Variants in ACOX1 observed in about 807,000 individuals in gnomAD.
ACOX1 encodes the protein peroxisomal acyl-coenzyme A oxidase 1.
ACOX1 carries 41 observed loss-of-function variants against 75.5 expected under a neutral mutation model. The observed-to-expected ratio is 0.54, with a 90% CI of 0.42 to 0.70. The LOEUF is 0.70. ACOX1 is among the 30% of genes least tolerant of loss of function. The pLI is 0.00. For synonymous variants in ACOX1, 303 were observed against 298.8 expected, an observed-to-expected ratio of 1.01 and a Z score of -0.15; for missense variants, 630 against 837.5, an observed-to-expected ratio of 0.75 and a Z score of 3.06.
chr17:75,944,895 A>G lies in ACOX1; in HGVS notation c.*1853T>C, dbSNP rs373499939. The G allele has an allele frequency of 1.7e-4, 26 of 152,228 alleles. No homozygotes were observed. Among genetic ancestry groups the G allele is most frequent in the East Asian group, 5.8e-4 (3 of 5,174 alleles). The allele number at this position is 152,228 out of a possible 1,614,324, so 9.4% of individuals were successfully genotyped here. A position where few individuals can be genotyped will look rare whatever the true frequency, so the allele number is the denominator to read the frequency against. ...GCTGGGACTACAGGCGCGTGCTACC[A>G]CCATGCCCAGCTAATTTTTGTATTT... is the stretch of plus-strand genomic sequence containing the variant. On this transcript the variant is annotated 3_prime_UTR_variant, in exon 14 of 14. Coordinates refer to ENST00000293217, the MANE Select transcript of ACOX1 (RefSeq NM_004035.7).
rs2066036614 is a variant in ACOX1 at position 75,975,205 on chromosome 17, C to CTGGA, written c.269+3325_269+3328dup. ...AGACAGTCTCCCTCTGTTGCCCAGG[C>CTGGA]TGGAGTACAGTGGTGTGATCCCAGC... On this transcript the variant is annotated intron_variant, in intron 2 of 13. Coordinates refer to ENST00000293217, the MANE Select transcript of ACOX1 (RefSeq NM_004035.7). 3.3e-5 allele frequency among the ~76,000 whole-genome samples: 5 copies of CTGGA among 151,848 alleles called. No homozygotes were observed. The South Asian group carries it at 1.0e-3, about 32-fold the overall frequency.
At position 75,946,564 on chromosome 17, in the gene ACOX1, T is replaced by A; in HGVS notation, c.*184A>T. 1 of 617,414 alleles carries A rather than the reference T, an allele frequency of 1.6e-6. No individual in the cohort carries two copies. The highest frequency in any genetic ancestry group is 3.0e-5 in the East Asian group (1 of 32,928). The allele number at this position is 617,414 out of a possible 1,614,324, so 38.2% of individuals were successfully genotyped here. A position where few individuals can be genotyped will look rare whatever the true frequency, so the allele number is the denominator to read the frequency against. ...TTAACAGGTCTCTTTCAGTGTTAATTGCACTTAAAACATCTGCTTTTTTTC... is the reference window on the plus strand; with the variant it reads ...TTAACAGGTCTCTTTCAGTGTTAATAGCACTTAAAACATCTGCTTTTTTTC... On this transcript the variant is annotated 3_prime_UTR_variant, in exon 14 of 14. Transcript: ENST00000293217.
intron 2 of ACOX1, among the ~76,000 whole-genome samples, chr17:75,967,781 C>A (rs1265713998): frequency 6.7e-6 from 1 of 149,736 alleles, no homozygotes; most frequent in African/African-American, 2.4e-5. Flanking sequence ...CACTCTGTCA[C>A]CCAGGCTGGA....
At position 75,957,554 on chromosome 17, in the gene ACOX1, C is replaced by T. The variant is rs1330876736; in HGVS notation, c.443G>A (p.Arg148Gln). Residue 148 changes from arginine (R) to glutamine (Q), a missense_variant, in exon 4 of 14, where the codon CGA becomes CAA. Arg to Gln is a conservative substitution (Grantham distance 43). Coordinates refer to ENST00000293217, the MANE Select transcript of ACOX1 (RefSeq NM_004035.7). ...ATACGTGGCTGTGGTTTCCAAGCCTCGAAGGTGAGTTCCTAAGGAGATAAA... is the reference window on the plus strand; with the variant it reads ...ATACGTGGCTGTGGTTTCCAAGCCTTGAAGGTGAGTTCCTAAGGAGATAAA... ...QTEMGHGTHL[R>Q]GLETTATYDP... The T allele has an allele frequency of 4.3e-6, 7 of 1,613,598 alleles. No individual in the cohort carries two copies. Among genetic ancestry groups the T allele is most frequent in the Non-Finnish European group, 5.9e-6 (7 of 1,179,836 alleles).
At chr17:75,953,642 G>C in intron 6 of ACOX1, 22 bp from the exon 7 acceptor site, 1 of 1,613,472 alleles carries the variant, frequency 6.2e-7, no homozygotes, top group East Asian at 2.2e-5. Context: ...ACGTGGAACT[G>C]ATACTTCCTT....
intron 4 of ACOX1, 68 bp from the exon 5 acceptor site, chr17:75,956,015 GAAGA>G: frequency 4.4e-6 from 7 of 1,602,300 alleles, no homozygotes; most frequent in Non-Finnish European, 6.0e-6. Flanking sequence ...GTAGAAAAAA[GAAGA>G]AAGAATATGT....
At chr17:75,963,966 T>C (rs2065908589) in intron 2 of ACOX1, among the ~76,000 whole-genome samples, 1 of 151,102 alleles carries the variant, frequency 6.6e-6, no homozygotes, top group African/African-American at 2.4e-5. Context: ...GGCGGATCAC[T>C]TGAGGTCAGG....
chr17:75,949,555 G>A lies in ACOX1; in HGVS notation c.1524C>T (p.His508=), dbSNP rs2065754480. Residue 508 remains histidine, a synonymous_variant, in exon 11 of 14, where the codon CAC becomes CAT. Transcript: ENST00000293217. ...AAKNLQKEVI[H]RKSKEVAWNL... is the part of the protein sequence containing the mutation. ...TCCAAGCTACCTCCTTGCTTTTTCT[G>A]TGAATCACTTCTTTTTGAAGGTTTT... 1 of 1,614,176 alleles carries A rather than the reference G, an allele frequency of 6.2e-7. No homozygotes were observed. The highest frequency in any genetic ancestry group is 8.5e-7 in the Non-Finnish European group (1 of 1,180,042).
At position 75,942,122 on chromosome 17, in the gene ACOX1, TAGTA is replaced by T. The variant is rs2065676036; in HGVS notation, c.*4622_*4625del. 2 of 152,236 alleles carry T rather than the reference TAGTA, an allele frequency of 1.3e-5. No homozygotes were observed. The highest frequency in any genetic ancestry group is 4.1e-4 in the South Asian group (2 of 4,822). The allele number at this position is 152,236 out of a possible 1,614,324, so 9.4% of individuals were successfully genotyped here. A position where few individuals can be genotyped will look rare whatever the true frequency, so the allele number is the denominator to read the frequency against. On this transcript the variant is annotated 3_prime_UTR_variant, in exon 14 of 14. Coordinates refer to ENST00000293217, the MANE Select transcript of ACOX1 (RefSeq NM_004035.7). ...CCATAGGAAGAAGTACTGGAAAATT[TAGTA>T]AGTGTGGACAGTTAAAAACACTGGC...
Position 75,964,688 on chromosome 17 carries a change from T to C in ACOX1, c.270-4313A>G, listed in dbSNP as rs550579524. ...GGAGAAAGTGAACTGCATAGTTTTTTGACTTAAGCCAAGTATTTGTTTTAA... is the reference window on the plus strand; with the variant it reads ...GGAGAAAGTGAACTGCATAGTTTTTCGACTTAAGCCAAGTATTTGTTTTAA... On this transcript the variant is annotated intron_variant, in intron 2 of 13. Transcript: ENST00000293217. Among the ~76,000 whole-genome samples the C allele has an allele frequency of 5.3e-5, 8 of 152,346 alleles. No individual in the cohort carries two copies. The East Asian group carries it at 5.8e-4, about 11-fold the overall frequency.
intron 4 of ACOX1, among the ~76,000 whole-genome samples, chr17:75,956,998 TATATATATATAC>T (rs1232361535): frequency 4.1e-5 from 3 of 72,494 alleles, no homozygotes; most frequent in Non-Finnish European, 9.4e-5. Flanking sequence ...TATATATATA[TATATATATATAC>T]ACACACACAC....
chr17:75,945,204 A>G lies in ACOX1; in HGVS notation c.*1544T>C, dbSNP rs1223623369. 6.6e-6 allele frequency: 1 copy of G among 152,198 alleles called. No homozygotes were observed. Among genetic ancestry groups the G allele is most frequent in the Non-Finnish European group, 1.5e-5 (1 of 68,042 alleles). 9.4% of individuals were successfully genotyped at this position (152,198 alleles called of 1,614,324 possible). A position where few individuals can be genotyped will look rare whatever the true frequency, so the allele number is the denominator to read the frequency against. ...ATCCTGCCCAGATATTCATCTGTGA[A>G]CAAGGTATTTCAACACTAATTTTGA... is the stretch of plus-strand genomic sequence containing the variant. On this transcript the variant is annotated 3_prime_UTR_variant, in exon 14 of 14. Coordinates refer to ENST00000293217, the MANE Select transcript of ACOX1 (RefSeq NM_004035.7).
intron 2 of ACOX1, among the ~76,000 whole-genome samples, chr17:75,975,510 A>C (rs1329083053): frequency 1.3e-5 from 2 of 152,084 alleles, no homozygotes; most frequent in Admixed American, 6.5e-5. Context: ...GAAACAAAAA[A>C]CTCTCAACAT....
At position 75,949,373 on chromosome 17, in the gene ACOX1, AG is replaced by A; in HGVS notation, c.1585-14del. 1 of 1,614,158 alleles carries A rather than the reference AG, an allele frequency of 6.2e-7. No homozygotes were observed. The highest frequency in any genetic ancestry group is 1.1e-5 in the South Asian group (1 of 91,082). ...AGTGGCAATGTGCCTAAGATTAAAA[AG>A]AAAACACCAGAGTTTGAGAACCTTG... On this transcript the variant is annotated splice_polypyrimidine_tract_variant and intron_variant, in intron 11 of 13. Transcript: ENST00000293217.
At chr17:75,974,909 G>A (rs548584128) in intron 2 of ACOX1, among the ~76,000 whole-genome samples, 14 of 151,512 alleles carry the variant, frequency 9.2e-5, no homozygotes, top group Non-Finnish European at 1.6e-4. Flanking sequence ...AATTAGCCGG[G>A]TGTGGTGGTG....
chr17:75,978,168 C>G lies in ACOX1; in HGVS notation c.269+366G>C, dbSNP rs745600974. Among the ~76,000 whole-genome samples, 25 of 152,126 alleles carry G rather than the reference C, an allele frequency of 1.6e-4. No homozygotes were observed. The highest frequency in any genetic ancestry group is 2.8e-4 in the Non-Finnish European group (19 of 68,012). On this transcript the variant is annotated intron_variant, in intron 2 of 13. Transcript: ENST00000293217. This position sits in a 1 kb window ranked among gnomAD's most constrained non-coding sequence, Gnocchi z 4.2. ...GGAGTGCAGTGGCGCGATCTCGGCT[C>G]ACTGCAAGCTCCGCCTCCCTAGTTC...
At chr17:75,963,695 T>TA (rs34482950) in intron 2 of ACOX1, among the ~76,000 whole-genome samples, 2,949 of 134,028 alleles carry the variant, frequency 0.022, 50 homozygotes, top group East Asian at 0.095. Flanking sequence ...AGACTCTATC[T>TA]AAAAAAAAAA....
intron 7 of ACOX1, among the ~76,000 whole-genome samples, chr17:75,952,659 G>A (rs1297325770): frequency 3.3e-5 from 5 of 151,250 alleles, no homozygotes; most frequent in East Asian, 2.0e-4. Flanking sequence ...GCGAAATTCC[G>A]TCTCTACTAA....
Position 75,979,139 on chromosome 17 carries a change from C to A in ACOX1, c.-66G>T, listed in dbSNP as rs2144332701. The A allele has an allele frequency of 6.3e-7, 1 of 1,589,794 alleles. No individual in the cohort carries two copies. The highest frequency in any genetic ancestry group is 1.7e-4 in the Middle Eastern group (1 of 6,014). On this transcript the variant is annotated 5_prime_UTR_variant, in exon 1 of 14. Coordinates refer to ENST00000293217, the MANE Select transcript of ACOX1 (RefSeq NM_004035.7). ...TGGCAGTGACAATCTAAATCCGCAG[C>A]TCCAGCGCCGGCCGGACCCTAGGAG...
Sources: gnomAD v4.1 joint callset for allele counts (sites outside exome capture counted in the v4.1 genomes callset) on GRCh38, gnomAD v4.1.1 for gene constraint, Gnocchi (gnomAD v3.1) non-coding constraint, MANE v1.5 for transcripts, NCBI Gene and HGNC (gene_info 2026-07-23, HGNC 2026-07-21) for gene names.